The following PPP2R5C variants were observed in gnomAD, a reference collection of about 807,000 sequenced individuals.
The protein encoded by PPP2R5C is serine/threonine-protein phosphatase 2A 56 kDa regulatory subunit gamma isoform.
A neutral mutation model predicts 68.9 loss-of-function variants in PPP2R5C; 7 were observed. The observed-to-expected ratio is 0.10, with a 90% CI of 0.06 to 0.19. The LOEUF (loss-of-function observed/expected upper bound fraction) is 0.19. PPP2R5C is among the 10% of genes least tolerant of loss of function. The pLI, the probability that PPP2R5C is intolerant of heterozygous loss-of-function variation, is 1.00. For missense variants in PPP2R5C, 348 were observed against 641.3 expected, an observed-to-expected ratio of 0.54 and a Z score of 4.94; for synonymous variants, 210 against 222.2, an observed-to-expected ratio of 0.95 and a Z score of 0.49.
In PPP2R5C at chr14:101,834,280, TCTC is replaced by T. The variant is rs756453435; in HGVS notation, c.95-22403_95-22401del. Among the ~76,000 whole-genome samples the T allele has an allele frequency of 3.0e-4, 46 of 152,150 alleles. 1 individual carries two copies. The highest frequency in any genetic ancestry group is 2.1e-4 in the South Asian group (1 of 4,830). On this transcript the variant is annotated intron_variant, in intron 1 of 13. Coordinates refer to ENST00000334743, the Ensembl canonical transcript of PPP2R5C. The stretch of plus-strand genomic sequence containing the variant: ...TGGTGGGACCTTGACTGGGTCCGGT[TCTC>T]CTGTCTGCACATGCAGGCCATGGAG...
intron 3 of PPP2R5C, among the ~76,000 whole-genome samples, chr14:101,790,823 G>C (rs1224070658): frequency 2.0e-5 from 3 of 152,250 alleles, no homozygotes; most frequent in African/African-American, 7.2e-5. Context: ...GCTCACGCCT[G>C]TAATCCCAGC....
intron 11 of PPP2R5C, 112 bp from the exon 14 acceptor site, chr14:101,912,289 G>GCCC: frequency 2.6e-6 from 2 of 780,198 alleles, no homozygotes; most frequent in Non-Finnish European, 3.9e-6. Flanking sequence ...TGGAGCAGGG[G>GCCC]GGCTGCGGGA....
intron 8 of PPP2R5C, 123 bp from the exon 11 acceptor site, chr14:101,901,596 G>A: frequency 2.2e-6 from 2 of 922,240 alleles, no homozygotes; most frequent in Non-Finnish European, 3.4e-6. Flanking sequence ...CTGTAAGGAA[G>A]ATGGCACCAT....
intron 1 of PPP2R5C, among the ~76,000 whole-genome samples, chr14:101,821,754 T>C (rs2040087096): frequency 6.6e-6 from 1 of 152,102 alleles, no homozygotes; most frequent in South Asian, 2.1e-4. Flanking sequence ...ACTTTCAGAC[T>C]AGGCATCTAG....
intron 1 of PPP2R5C, among the ~76,000 whole-genome samples, chr14:101,834,606 C>T (rs994847232): frequency 6.6e-6 from 1 of 152,198 alleles, no homozygotes; most frequent in African/African-American, 2.4e-5. Flanking sequence ...GCCTCCAAAT[C>T]TCTTTAAATT....
chr14:101,897,567 G>T (rs532111160), intron 8 of PPP2R5C, among the ~76,000 whole-genome samples: 1 of 152,144 alleles, frequency 6.6e-6, no homozygotes, highest in East Asian at 1.9e-4. Flanking sequence ...GATGCAGGCT[G>T]GGAGGCTAGG....
chr14:101,890,959 G>A (rs1254164316), intron 6 of PPP2R5C, among the ~76,000 whole-genome samples: 1 of 151,824 alleles, frequency 6.6e-6, no homozygotes, highest in Non-Finnish European at 1.5e-5. Flanking sequence ...TTTTAGTGGA[G>A]ATGGGGTTTC....
chr14:101,890,361 T>C (rs2044788903), intron 6 of PPP2R5C, 65 bp downstream of exon 8: 7 of 1,471,504 alleles, frequency 4.8e-6, no homozygotes, highest in Non-Finnish European at 5.7e-6. Flanking sequence ...ATCCATTTCA[T>C]TGAGTCCAGC....
chr14:101,813,722 A>G (rs2039500773), intron 1 of PPP2R5C, among the ~76,000 whole-genome samples: 1 of 152,218 alleles, frequency 6.6e-6, no homozygotes, highest in Non-Finnish European at 1.5e-5. Flanking sequence ...AACTGCTCTC[A>G]TCTTGTTCTA....
intron 1 of PPP2R5C, among the ~76,000 whole-genome samples, chr14:101,817,630 A>G (rs895865918): frequency 3.9e-5 from 6 of 152,182 alleles, no homozygotes; most frequent in African/African-American, 1.4e-4. Flanking sequence ...TTTAAGAGGC[A>G]GGGTGTTTGG....
chr14:101,796,326 A>G (rs1174816300), intron 3 of PPP2R5C, among the ~76,000 whole-genome samples: 1 of 152,104 alleles, frequency 6.6e-6, no homozygotes, highest in African/African-American at 2.4e-5. Flanking sequence ...CTCTGCTTTC[A>G]TTAGTCTTTT....
rs367834588 is a variant in PPP2R5C at position 101,919,993 on chromosome 14, C to CAAAAAAAAAAAAAA, written c.1443+2046_1443+2047insAAAAAAAAAAAAAA. Among the ~76,000 whole-genome samples the CAAAAAAAAAAAAAA allele has an allele frequency of 4.1e-3, 484 of 117,448 alleles. 4 individuals are homozygous for CAAAAAAAAAAAAAA. Among genetic ancestry groups the CAAAAAAAAAAAAAA allele is most frequent in the African/African-American group, 0.016 (456 of 27,648 alleles). The allele number at this position is 117,448 out of a possible 152,430, so 77.1% of individuals were successfully genotyped here. On this transcript the variant is annotated intron_variant, in intron 13 of 13. Transcript: ENST00000334743. ...TCAAAAAAAAAAAAAAAAAAAAAAA[C>CAAAAAAAAAAAAAA]CAATTCTTACACATTAAATAGCTTA...
At chr14:101,802,933 A>G (rs921056442) in intron 3 of PPP2R5C, among the ~76,000 whole-genome samples, 1 of 146,116 alleles carries the variant, frequency 6.8e-6, no homozygotes, top group Non-Finnish European at 1.5e-5. Context: ...CTTCACACCC[A>G]CTAGGATGGC....
Position 101,925,133 on chromosome 14 carries a change from A to C in PPP2R5C, c.1444-8A>C. On this transcript the variant is annotated splice_region_variant and splice_polypyrimidine_tract_variant and intron_variant, in intron 13 of 13. Transcript: ENST00000334743. ...TTGTAGCCAACGCCATTGCATTTCT[A>C]ATTCCAGGCACAGAAAGATCCGAAG... The C allele has an allele frequency of 6.2e-7, 1 of 1,613,778 alleles. No individual in the cohort carries two copies. The highest frequency in any genetic ancestry group is 8.5e-7 in the Non-Finnish European group (1 of 1,179,834).
At chr14:101,760,737 G>A (rs1240095485), upstream of PPP2R5C, 5 of 870,322 alleles carry the variant, frequency 5.7e-6, no homozygotes, top group South Asian at 5.4e-5. Flanking sequence ...GTGAGGGGAG[G>A]GGCTGGTCGA....
chr14:101,838,415 T>G (rs188507435), intron 1 of PPP2R5C, among the ~76,000 whole-genome samples: 4 of 152,364 alleles, frequency 2.6e-5, no homozygotes, highest in Admixed American at 2.6e-4. Flanking sequence ...TCTTAAATAA[T>G]TTCAAAAGCA....
At chr14:101,870,541 TCAGTA>T (rs2043338282) in intron 2 of PPP2R5C, among the ~76,000 whole-genome samples, 1 of 152,258 alleles carries the variant, frequency 6.6e-6, no homozygotes, top group South Asian at 2.1e-4. Flanking sequence ...CACACTGTCT[TCAGTA>T]CAGTACTTGA....
Position 101,890,223 on chromosome 14 carries a change from A to T in PPP2R5C, c.630-14A>T. 6.2e-7 allele frequency: 1 copy of T among 1,606,940 alleles called. No homozygotes were observed. ...TTCAGTGTCTAATTCTAATGGGAAA[A>T]TTGTTTTTTCTAGGTTTATTTATGA... On this transcript the variant is annotated splice_polypyrimidine_tract_variant and intron_variant, in intron 5 of 13. Coordinates refer to ENST00000334743, the Ensembl canonical transcript of PPP2R5C.
intron 1 of PPP2R5C, among the ~76,000 whole-genome samples, chr14:101,840,482 CAAAAAAAAAAAAAAAAA>C (rs10611025): frequency 1.9e-5 from 1 of 51,866 alleles, no homozygotes; most frequent in Admixed American, 2.2e-4. Context: ...CCCCCACCAC[CAAAAAAAAAAAAAAAAA>C]AAAAAAAAAA....
Sources: allele counts gnomAD v4.1 joint callset (sites outside exome capture counted in the v4.1 genomes callset), GRCh38; gene constraint gnomAD v4.1.1; transcripts MANE v1.5; gene names NCBI Gene and HGNC (gene_info 2026-07-23, HGNC 2026-07-21).